The following SDCCAG8 variants were observed in gnomAD, a reference collection of about 807,000 sequenced individuals.
The protein encoded by SDCCAG8 is serologically defined colon cancer antigen 8.
In SDCCAG8, 74 loss-of-function variants were observed where a neutral mutation model predicts 101.8. That is an observed-to-expected ratio of 0.73 (90% CI 0.60 to 0.88). The LOEUF (loss-of-function observed/expected upper bound fraction) is 0.88, where lower values mean the gene tolerates loss of function less well. Among genes scored for constraint, SDCCAG8 ranks in the 40% least tolerant of loss-of-function variants. The pLI is 0.00. For synonymous variants in SDCCAG8, 281 were observed against 292.9 expected, an observed-to-expected ratio of 0.96 and a Z score of 0.41; for missense variants, 787 against 822.6, an observed-to-expected ratio of 0.96 and a Z score of 0.53.
chr1:243,329,000 C>T (rs948256110), intron 9 of SDCCAG8, among the ~76,000 whole-genome samples: 9 of 152,128 alleles, frequency 5.9e-5, no homozygotes, highest in African/African-American at 2.2e-4. Flanking sequence ...ATACCAGTAG[C>T]ATTCATGATA....
intron 10 of SDCCAG8, 128 bp downstream of exon 10, chr1:243,330,820 A>C: frequency 2.5e-6 from 2 of 810,054 alleles, no homozygotes; most frequent in Non-Finnish European, 4.0e-6. Context: ...TAAGTAGTTA[A>C]ATTTCGTATA....
chr1:243,470,090 A>G lies in SDCCAG8; in HGVS notation c.1986-18924A>G, dbSNP rs145912004. ...ACAAGAAAAACCATGTCTGGTTAAC[A>G]ACACAAGGTCTAAACAGATTTACAA... On this transcript the variant is annotated intron_variant, in intron 16 of 17. Transcript: ENST00000366541. Among the ~76,000 whole-genome samples, 811 of 152,266 alleles carry G rather than the reference A, an allele frequency of 5.3e-3. 5 individuals carry two copies. The highest frequency in any genetic ancestry group is 6.9e-3 in the Non-Finnish European group (467 of 68,028).
At chr1:243,281,276 CTTTT>C (rs534697165) in intron 4 of SDCCAG8, among the ~76,000 whole-genome samples, 8 of 133,444 alleles carry the variant, frequency 6.0e-5, no homozygotes, top group African/African-American at 2.2e-4. Flanking sequence ...TTATAATTGG[CTTTT>C]TTTTTTGTTT....
intron 16 of SDCCAG8, among the ~76,000 whole-genome samples, chr1:243,468,310 C>T (rs879541194): frequency 2.0e-5 from 3 of 151,908 alleles, no homozygotes; most frequent in East Asian, 1.9e-4. Context: ...CTCCGCCTCC[C>T]GGGTTCAAGC....
At chr1:243,447,248 CAAAAAAAAAA>C (rs397830130) in intron 16 of SDCCAG8, among the ~76,000 whole-genome samples, 2 of 41,380 alleles carry the variant, frequency 4.8e-5, no homozygotes, top group Non-Finnish European at 7.5e-5. Context: ...GACTTCGTCT[CAAAAAAAAAA>C]AAAAAAAAAA....
chr1:243,405,335 T>G (rs914637021), intron 13 of SDCCAG8, among the ~76,000 whole-genome samples: 1 of 151,896 alleles, frequency 6.6e-6, no homozygotes, highest in Non-Finnish European at 1.5e-5. Context: ...AGGAAAAAAA[T>G]TAAAAACAAA....
intron 4 of SDCCAG8, among the ~76,000 whole-genome samples, chr1:243,280,293 C>G (rs2068918899): frequency 6.6e-6 from 1 of 151,998 alleles, no homozygotes; most frequent in Admixed American, 6.5e-5. Context: ...CACTTCTGAT[C>G]TTAGTATATG....
intron 12 of SDCCAG8, among the ~76,000 whole-genome samples, chr1:243,354,660 A>G (rs141675104): frequency 9.8e-4 from 150 of 152,330 alleles, no homozygotes; most frequent in African/African-American, 3.4e-3. Context: ...TCAGGAATAC[A>G]TTGGTGGATT....
At chr1:243,448,338 T>C (rs1009431143) in intron 16 of SDCCAG8, among the ~76,000 whole-genome samples, 2 of 152,264 alleles carry the variant, frequency 1.3e-5, no homozygotes, top group Non-Finnish European at 2.9e-5. Flanking sequence ...TGTTCCGTTC[T>C]TCTCAGGAAT....
At chr1:243,469,385 T>A (rs114358348) in intron 16 of SDCCAG8, among the ~76,000 whole-genome samples, 2,054 of 152,290 alleles carry the variant, frequency 0.013, 50 homozygotes, top group African/African-American at 0.046. Flanking sequence ...ATGAAGGCAG[T>A]TCCAAATAAA....
At chr1:243,475,624 C>T (rs550195391) in intron 16 of SDCCAG8, among the ~76,000 whole-genome samples, 2 of 152,238 alleles carry the variant, frequency 1.3e-5, no homozygotes, top group South Asian at 4.1e-4. Context: ...CCTGCTTTCG[C>T]GAGGACCCAA....
chr1:243,412,707 C>A (rs2080267678), intron 13 of SDCCAG8, among the ~76,000 whole-genome samples: 2 of 151,972 alleles, frequency 1.3e-5, no homozygotes, highest in Non-Finnish European at 2.9e-5. Context: ...AGATTGCATA[C>A]CCCTGCTCTA....
intron 16 of SDCCAG8, among the ~76,000 whole-genome samples, chr1:243,486,649 G>A (rs987460879): frequency 2.0e-5 from 3 of 152,248 alleles, no homozygotes; most frequent in Admixed American, 6.5e-5. Context: ...TGTGAGAGCG[G>A]CTTTGGCCCT....
chr1:243,302,662 T>C (rs1014874911), intron 6 of SDCCAG8, among the ~76,000 whole-genome samples: 1 of 152,222 alleles, frequency 6.6e-6, no homozygotes, highest in Non-Finnish European at 1.5e-5. Flanking sequence ...AGTTTTTTGA[T>C]ATTGTACAAT....
At chr1:243,397,531 C>T (rs1573803986) in intron 13 of SDCCAG8, among the ~76,000 whole-genome samples, 1 of 152,110 alleles carries the variant, frequency 6.6e-6, no homozygotes, top group Non-Finnish European at 1.5e-5. Context: ...GTTTTGTTCA[C>T]ATATGGAAAG....
At chr1:243,344,985 T>C (rs1349776916) in intron 12 of SDCCAG8, among the ~76,000 whole-genome samples, 1 of 152,176 alleles carries the variant, frequency 6.6e-6, no homozygotes, top group Non-Finnish European at 1.5e-5. Flanking sequence ...GACTTTTGAT[T>C]TTCTATTTTT....
intron 12 of SDCCAG8, among the ~76,000 whole-genome samples, chr1:243,368,004 A>T (rs1286127032): frequency 6.6e-6 from 1 of 151,778 alleles, no homozygotes; most frequent in East Asian, 1.9e-4. Context: ...GCTTGAGCCC[A>T]GGAGTTCAAG....
chr1:243,332,848 G>A (rs974278053), intron 10 of SDCCAG8, among the ~76,000 whole-genome samples: 3 of 152,140 alleles, frequency 2.0e-5, no homozygotes, highest in Non-Finnish European at 4.4e-5. Context: ...GTCCCGGTCT[G>A]GAGGTGGTTA....
intron 17 of SDCCAG8, among the ~76,000 whole-genome samples, chr1:243,495,692 C>T (rs1359799359): frequency 6.6e-6 from 1 of 152,158 alleles, no homozygotes; most frequent in African/African-American, 2.4e-5. Flanking sequence ...GTGCTCCCTT[C>T]TGACAGGTGG....
Sources: allele counts gnomAD v4.1 joint callset (sites outside exome capture counted in the v4.1 genomes callset), GRCh38; gene constraint gnomAD v4.1.1; transcripts MANE v1.5; gene names NCBI Gene and HGNC (gene_info 2026-07-23, HGNC 2026-07-21).